SCAF4: variants seen among roughly 807,000 people sequenced by gnomAD.
The protein encoded by SCAF4 is SR-related and CTD-associated factor 4.
Under a neutral mutation model 129.8 loss-of-function variants are expected in SCAF4, and 25 were observed. That is an observed-to-expected ratio of 0.19 (90% confidence interval 0.14 to 0.27). The LOEUF (loss-of-function observed/expected upper bound fraction) is 0.27. Ranked by LOEUF, SCAF4 falls within the 10% of genes least tolerant of loss-of-function variation. The pLI is 1.00. For missense variants in SCAF4, 1,246 were observed against 1,457.1 expected, an observed-to-expected ratio of 0.86 and a Z score of 2.36; for synonymous variants, 551 against 497.7, an observed-to-expected ratio of 1.11 and a Z score of -1.43.
At chr21:31,687,157 T>C (rs962725662) in intron 16 of SCAF4, among the ~76,000 whole-genome samples, 2 of 152,218 alleles carry the variant, frequency 1.3e-5, no homozygotes, top group African/African-American at 4.8e-5. Context: ...AGCTCAGATT[T>C]ATCTGATTCA....
intron 1 of SCAF4, among the ~76,000 whole-genome samples, chr21:31,717,846 C>T (rs34305267): frequency 0.027 from 2,284 of 83,758 alleles, 56 homozygotes; most frequent in East Asian, 0.078. Context: ...TATATATACA[C>T]ACACACACAC....
chr21:31,696,451 C>T (rs1338625092), intron 8 of SCAF4, 118 bp downstream of exon 8: 2 of 1,113,978 alleles, frequency 1.8e-6, no homozygotes, highest in Non-Finnish European at 2.4e-6. Context: ...AAACTAATAC[C>T]ACAAATTTTA....
In SCAF4 at chr21:31,706,304, G is replaced by A. The variant is rs1176623068; in HGVS notation, c.84C>T (p.Leu28=). ...KPPISRAKMI[L]ITKAAIKAIK... is the part of the protein sequence containing the mutation. ...TAGCTTTAATAGCAGCTTTAGTGAT[G>A]AGAATCATCTTGGCTCTAGAGATGG... is the stretch of plus-strand genomic sequence containing the variant. The change falls in exon 2 of 20, where the codon CTC becomes CTT. Residue 28 remains leucine (L), a synonymous_variant. Coordinates refer to ENST00000286835, the MANE Select transcript of SCAF4 (RefSeq NM_020706.2). 1 of 1,608,466 alleles carries A rather than the reference G, an allele frequency of 6.2e-7. No individual in the cohort carries two copies. The highest frequency in any genetic ancestry group is 8.5e-7 in the Non-Finnish European group (1 of 1,176,152).
Position 31,703,923 on chromosome 21 carries a change from T to C in SCAF4, c.163A>G (p.Lys55Glu). Residue 55 changes from lysine (K) to glutamate (E), a missense_variant, in exon 4 of 20, where the codon AAA becomes GAA. Transcript: ENST00000286835. The stretch of plus-strand genomic sequence containing the variant: ...AATCCCGGAACCTTGTATTCTGGTT[T>C]ACACTGCAAGGATAAAGATGTAAGA... Reference protein sequence around the residue: ...QIVEKFIKKCKPEYKVPGLYV... With the variant: ...QIVEKFIKKCEPEYKVPGLYV... 6.4e-7 allele frequency: 1 copy of C among 1,554,420 alleles called. No individual in the cohort carries two copies. Among genetic ancestry groups the C allele is most frequent in the South Asian group, 1.2e-5 (1 of 82,224 alleles).
chr21:31,714,835 C>T (rs1001067502), intron 1 of SCAF4, among the ~76,000 whole-genome samples: 2 of 152,182 alleles, frequency 1.3e-5, no homozygotes, highest in African/African-American at 4.8e-5. Flanking sequence ...TAGCCCAGTA[C>T]CTAACACATA....
rs758658392 is a variant in SCAF4 at position 31,685,008 on chromosome 21, G to C, written c.2488+41C>G. On this transcript the variant is annotated intron_variant, in intron 19 of 19. Coordinates refer to ENST00000286835, the MANE Select transcript of SCAF4 (RefSeq NM_020706.2). The stretch of plus-strand genomic sequence containing the variant: ...GGGATGGGTGGGGGGGTGGGGGGGG[G>C]GTGGGGCAAGGAAAACTAATGATAA... 7.9e-4 allele frequency: 613 copies of C among 774,620 alleles called. 3 individuals carry two copies. The African/African-American group carries it at 8.7e-3, about 11-fold the overall frequency. The allele number at this position is 774,620 out of a possible 1,614,324, so 48.0% of individuals were successfully genotyped here. A position where few individuals can be genotyped will look rare whatever the true frequency, so the allele number is the denominator to read the frequency against.
chr21:31,688,212 G>T, intron 16 of SCAF4, 95 bp downstream of exon 16: 1 of 1,066,206 alleles, frequency 9.4e-7, no homozygotes, highest in Non-Finnish European at 1.3e-6. Flanking sequence ...ATGTACTCAT[G>T]TTTTTTACTA....
chr21:31,703,852 T>C lies in SCAF4; in HGVS notation c.234A>G (p.Gly78=). 6.2e-7 allele frequency: 1 copy of C among 1,600,410 alleles called. No homozygotes were observed. The highest frequency in any genetic ancestry group is 1.7e-5 in the Admixed American group (1 of 59,964). The change falls in exon 4 of 20, where the codon GGA becomes GGG. Residue 78 remains glycine (G), a synonymous_variant. Coordinates refer to ENST00000286835, the MANE Select transcript of SCAF4 (RefSeq NM_020706.2). ...SIVRQSRHQF[G]TDKDVFGPRF... is the part of the protein sequence containing the mutation. Reference sequence around the variant, plus strand: ...TTGGCCCAAAAACATCTTTATCAGTTCCAAACTGATGACGAGACTGTCGCA... The same window carrying C: ...TTGGCCCAAAAACATCTTTATCAGTCCCAAACTGATGACGAGACTGTCGCA...
At chr21:31,717,452 T>C (rs1458759875) in intron 1 of SCAF4, among the ~76,000 whole-genome samples, 3 of 152,192 alleles carry the variant, frequency 2.0e-5, no homozygotes, top group Non-Finnish European at 4.4e-5. Flanking sequence ...CTAACTTGCA[T>C]TAATTTTTAA....
chr21:31,691,000 G>A (rs767430832), intron 14 of SCAF4, 47 bp from the exon 15 acceptor site: 14 of 1,525,640 alleles, frequency 9.2e-6, no homozygotes, highest in East Asian at 9.1e-5. Context: ...AAGCAAGGTC[G>A]TAAGTCTTGA....
rs117470382 is a variant in SCAF4, at chr21:31,678,334, T to C, written c.2489-5980A>G. ...CTCTTTTTCGCATTCCGTATTTAAG[T>C]AATATGGCAATTCTGAAGGCTCTAT... On this transcript the variant is annotated intron_variant, in intron 19 of 19. Transcript: ENST00000286835. 7.9e-3 allele frequency among the ~76,000 whole-genome samples: 1,203 copies of C among 152,266 alleles called. 16 individuals carry two copies. Among genetic ancestry groups the C allele is most frequent in the Non-Finnish European group, 0.01 (682 of 67,998 alleles).
chr21:31,694,378 T>C, intron 10 of SCAF4, 89 bp from the exon 11 acceptor site: 1 of 807,250 alleles, frequency 1.2e-6, no homozygotes, highest in South Asian at 1.9e-5. Flanking sequence ...ATTAAAAATC[T>C]CCTTCCCTGA....
Position 31,731,842 on chromosome 21 carries a change from C to T in SCAF4, c.-150G>A. 2.3e-6 allele frequency: 2 copies of T among 888,608 alleles called. No homozygotes were observed. Among genetic ancestry groups the T allele is most frequent in the Non-Finnish European group, 3.1e-6 (2 of 638,510 alleles). The allele number at this position is 888,608 out of a possible 1,614,324, so 55.0% of individuals were successfully genotyped here. ...AGGCCCGGGCAGGAAGAGGCTGCGC[C>T]CGAAGCGGCGAGGCGGGCGGCCGAG... On this transcript the variant is annotated 5_prime_UTR_variant, in exon 1 of 20. Transcript: ENST00000286835.
intron 3 of SCAF4, among the ~76,000 whole-genome samples, chr21:31,704,170 C>T (rs1484319923): frequency 2.0e-5 from 3 of 152,038 alleles, no homozygotes; most frequent in Non-Finnish European, 2.9e-5. Context: ...CTCTACTTCC[C>T]TACACCCAAT....
At position 31,706,331 on chromosome 21, in the gene SCAF4, A is replaced by G; in HGVS notation, c.57T>C (p.Pro19=). The G allele has an allele frequency of 6.2e-7, 1 of 1,610,842 alleles. No individual in the cohort carries two copies. The highest frequency in any genetic ancestry group is 8.5e-7 in the Non-Finnish European group (1 of 1,177,864). Residue 19 remains proline, a synonymous_variant, in exon 2 of 20, where the codon CCT becomes CCC. Transcript: ENST00000286835. ...GAATCATCTTGGCTCTAGAGATGGGAGGTTTCATATCCATAAGCGAAAAGA... is the reference window on the plus strand; with the variant it reads ...GAATCATCTTGGCTCTAGAGATGGGGGGTTTCATATCCATAAGCGAAAAGA... ...QELFSLMDMK[P]PISRAKMILI...
intron 1 of SCAF4, among the ~76,000 whole-genome samples, chr21:31,730,819 G>C (rs1456865771): frequency 2.6e-5 from 4 of 152,226 alleles, no homozygotes; most frequent in African/African-American, 9.6e-5. Flanking sequence ...TAAGGCCGCA[G>C]GCAGCTTTGT....
chr21:31,691,368 T>C (rs1182122691), intron 14 of SCAF4, among the ~76,000 whole-genome samples: 1 of 152,172 alleles, frequency 6.6e-6, no homozygotes. Flanking sequence ...AATGGGGTGT[T>C]AAGACACTGA....
At chr21:31,726,513 A>G (rs1302455887) in intron 1 of SCAF4, among the ~76,000 whole-genome samples, 1 of 151,854 alleles carries the variant, frequency 6.6e-6, no homozygotes, top group Non-Finnish European at 1.5e-5. Context: ...AAAAATTGAA[A>G]AATTAGCCAG....
chr21:31,693,202 T>C, intron 12 of SCAF4, 92 bp downstream of exon 12: 1 of 928,234 alleles, frequency 1.1e-6, no homozygotes, highest in Non-Finnish European at 1.5e-6. Flanking sequence ...GTGGTAACAT[T>C]TCTTTTATAG....
Sources: gnomAD v4.1 joint callset for allele counts (sites outside exome capture counted in the v4.1 genomes callset) on GRCh38, gnomAD v4.1.1 for gene constraint, MANE v1.5 for transcripts, NCBI Gene and HGNC (gene_info 2026-07-23, HGNC 2026-07-21) for gene names.